The following GLYCTK variants were observed in gnomAD, a reference collection of about 807,000 sequenced individuals.
GLYCTK encodes glycerate kinase.
In GLYCTK, 22 loss-of-function variants were observed where a neutral mutation model predicts 24.8. The observed-to-expected ratio is 0.89, with a 90% confidence interval of 0.63 to 1.27. GLYCTK has a LOEUF of 1.27. GLYCTK is among the 50% of genes most tolerant of loss of function. The pLI is 0.00. For synonymous variants in GLYCTK, 320 were observed against 297.2 expected (o/e 1.08, Z -0.79); for missense variants, 684 against 686.7 (o/e 1.00, Z 0.04).
Position 52,292,325 on chromosome 3 carries a change from C to G in GLYCTK, c.771C>G (p.Thr257=), listed in dbSNP as rs746811143. 6.2e-7 allele frequency: 1 copy of G among 1,613,932 alleles called. No individual in the cohort carries two copies. Among genetic ancestry groups the G allele is most frequent in the Non-Finnish European group, 8.5e-7 (1 of 1,179,948 alleles). Reference sequence around the variant, plus strand: ...TGGAGGTGATTGCCAGTGGCCCCACCGTGGCCAGTTCCCACAATGTGCAAG... The same window carrying G: ...TGGAGGTGATTGCCAGTGGCCCCACGGTGGCCAGTTCCCACAATGTGCAAG... The part of the protein sequence containing the change: ...DPVEVIASGP[T]VASSHNVQDC... The change falls in exon 5 of 5, where the codon ACC becomes ACG. Residue 257 remains threonine, a synonymous_variant. Transcript: ENST00000436784.
At position 52,291,059 on chromosome 3, in the gene GLYCTK, G is replaced by A. The variant is rs1364153952; in HGVS notation, c.477G>A (p.Gln159=). Residue 159 remains glutamine (Q), a synonymous_variant, in exon 3 of 5, where the codon CAG becomes CAA. Coordinates refer to ENST00000436784, the MANE Select transcript of GLYCTK (RefSeq NM_145262.4). ...RDALRAALAI[Q]QLAEGLTADD... ...CGCTGCGGGCTGCACTGGCCATCCA[G>A]CAACTGGCTGAGGGACTCACAGCTG... is the stretch of plus-strand genomic sequence containing the variant. The A allele has an allele frequency of 1.2e-6, 2 of 1,613,418 alleles. No individual in the cohort carries two copies. Among genetic ancestry groups the A allele is most frequent in the Non-Finnish European group, 8.5e-7 (1 of 1,180,028 alleles).
rs762737029 is a variant in GLYCTK, at chr3:52,291,007, C to T, written c.425C>T (p.Ala142Val). Residue 142 changes from alanine to valine, a missense_variant, in exon 3 of 5, where the codon GCG becomes GTG. By Grantham distance (64) the Ala-to-Val change is moderately conservative. Transcript: ENST00000436784. ...PHSRVQVFEGAEDNLPDRDAL... is the reference protein window; with the variant it reads ...PHSRVQVFEGVEDNLPDRDAL... ...AGCCGTGTCCAGGTATTCGAGGGTG[C>T]GGAGGACAACCTCCCGGACCGCGAT... The T allele has an allele frequency of 1.4e-5, 22 of 1,613,846 alleles. No individual in the cohort carries two copies. Among genetic ancestry groups the T allele is most frequent in the East Asian group, 1.3e-4 (6 of 44,894 alleles).
chr3:52,294,548 T>G lies in GLYCTK; in HGVS notation c.*1422T>G, dbSNP rs573488802. 1 of 382,274 alleles carries G rather than the reference T, an allele frequency of 2.6e-6. No homozygotes were observed. Among genetic ancestry groups the G allele is most frequent in the East Asian group, 7.2e-5 (1 of 13,828 alleles). 23.7% of individuals were successfully genotyped at this position (382,274 alleles called of 1,614,324 possible). On this transcript the variant is annotated 3_prime_UTR_variant, in exon 5 of 5. Coordinates refer to ENST00000436784, the MANE Select transcript of GLYCTK (RefSeq NM_145262.4). The stretch of plus-strand genomic sequence containing the variant: ...AGCGGGCTCTGGGGACCAGGGAGGT[T>G]TAGGAAAAGGGGAGCTTGCACCCCA...
rs917555002 is a variant in GLYCTK at position 52,293,766 on chromosome 3, A to G, written c.*640A>G. On this transcript the variant is annotated 3_prime_UTR_variant, in exon 5 of 5. Coordinates refer to ENST00000436784, the MANE Select transcript of GLYCTK (RefSeq NM_145262.4). ...TGACCAGCCACCCACCCACCCAACCATGACTCCACCATGGCACTGTCACCA... is the reference window on the plus strand; with the variant it reads ...TGACCAGCCACCCACCCACCCAACCGTGACTCCACCATGGCACTGTCACCA... 7 of 453,604 alleles carry G rather than the reference A, an allele frequency of 1.5e-5. No homozygotes were observed. The highest frequency in any genetic ancestry group is 8.0e-5 in the African/African-American group (4 of 49,994). 28.1% of individuals were successfully genotyped at this position (453,604 alleles called of 1,614,324 possible).
rs753960442 is a variant in GLYCTK at position 52,290,370 on chromosome 3, C to G, written c.28C>G (p.Arg10Gly). Residue 10 changes from arginine to glycine, a missense_variant, in exon 2 of 5, where the codon CGC (arginine) becomes GGC (glycine). Arg to Gly is a moderately radical substitution (Grantham distance 125). Coordinates refer to ENST00000436784, the MANE Select transcript of GLYCTK (RefSeq NM_145262.4). MAAALQVLP[R>G]LARAPLHPLL... The stretch of plus-strand genomic sequence containing the variant: ...GGCTGCAGCCCTGCAGGTCCTGCCC[C>G]GCTTGGCCCGAGCCCCCTTGCATCC... 4.1e-5 allele frequency: 66 copies of G among 1,600,818 alleles called. No homozygotes were observed. The highest frequency in any genetic ancestry group is 5.0e-5 in the Non-Finnish European group (59 of 1,179,544).
chr3:52,291,752 G>A lies in GLYCTK; in HGVS notation c.535G>A (p.Gly179Ser). Residue 179 changes from glycine (G) to serine (S), a missense_variant, in exon 4 of 5, where the codon GGT (glycine) becomes AGT (serine). Transcript: ENST00000436784. ...TACCCTCATTGTCTTGAGAGGTGGG[G>A]GTTCAGCTCTGCTGCCTGCCCCCAT... ...DLLLVLISGG[G>S]SALLPAPIPP... 1 of 1,613,490 alleles carries A rather than the reference G, an allele frequency of 6.2e-7. No individual in the cohort carries two copies. Among genetic ancestry groups the A allele is most frequent in the East Asian group, 2.2e-5 (1 of 44,868 alleles).
rs1282682832 is a variant in GLYCTK at position 52,287,859 on chromosome 3, G to C, written c.-57G>C. On this transcript the variant is annotated 5_prime_UTR_variant, in exon 1 of 5. Coordinates refer to ENST00000436784, the MANE Select transcript of GLYCTK (RefSeq NM_145262.4). ...TCCGTTCTCCAGCGCTGGGCACCGC[G>C]GCCGGAGCTGTGGGCTGGTAAGTCT... 2.2e-6 allele frequency: 1 copy of C among 452,542 alleles called. No homozygotes were observed. The highest frequency in any genetic ancestry group is 2.4e-5 in the Admixed American group (1 of 42,522). 28.0% of individuals were successfully genotyped at this position (452,542 alleles called of 1,614,324 possible). A position where few individuals can be genotyped will look rare whatever the true frequency, so the allele number is the denominator to read the frequency against.
chr3:52,290,368 C>G lies in GLYCTK; in HGVS notation c.26C>G (p.Pro9Arg), dbSNP rs1010430958. Residue 9 changes from proline (P) to arginine (R), a missense_variant, in exon 2 of 5, where the codon CCC (proline) becomes CGC (arginine). Physicochemically the swap from Pro to Arg is moderately radical, Grantham distance 103. Coordinates refer to ENST00000436784, the MANE Select transcript of GLYCTK (RefSeq NM_145262.4). Reference sequence around the variant, plus strand: ...ATGGCTGCAGCCCTGCAGGTCCTGCCCCGCTTGGCCCGAGCCCCCTTGCAT... The same window carrying G: ...ATGGCTGCAGCCCTGCAGGTCCTGCGCCGCTTGGCCCGAGCCCCCTTGCAT... Reference protein sequence around the residue: MAAALQVLPRLARAPLHPL... With the variant: MAAALQVLRRLARAPLHPL... 1.9e-6 allele frequency: 3 copies of G among 1,600,240 alleles called. No individual in the cohort carries two copies. The highest frequency in any genetic ancestry group is 1.7e-5 in the Admixed American group (1 of 59,970).
In GLYCTK at chr3:52,291,757, A is replaced by C. The variant is rs778453650; in HGVS notation, c.540A>C (p.Ser180=). 2.5e-5 allele frequency: 40 copies of C among 1,613,388 alleles called. No homozygotes were observed. The highest frequency in any genetic ancestry group is 1.7e-5 in the Admixed American group (1 of 59,984). The change falls in exon 4 of 5, where the codon TCA becomes TCC. Residue 180 remains serine (S), a synonymous_variant. Coordinates refer to ENST00000436784, the MANE Select transcript of GLYCTK (RefSeq NM_145262.4). The part of the protein sequence containing the change: ...LLLVLISGGG[S]ALLPAPIPPV... ...TCATTGTCTTGAGAGGTGGGGGTTCAGCTCTGCTGCCTGCCCCCATCCCAC... is the reference window on the plus strand; with the variant it reads ...TCATTGTCTTGAGAGGTGGGGGTTCCGCTCTGCTGCCTGCCCCCATCCCAC...
At chr3:52,290,004 A>C in intron 1 of GLYCTK, 1 of 388,110 alleles carries the variant, frequency 2.6e-6, no homozygotes, top group Non-Finnish European at 4.7e-6. Context: ...ACTCCCAGCC[A>C]AAGGGGTGAC....
chr3:52,290,279 C>G lies in GLYCTK; in HGVS notation c.-39-25C>G, dbSNP rs776570596. ...CCTCCTGTCTTTTGCCTTGCAAGGG[C>G]CTCAGTTGTGCTTTTTCCCTCTAGG... On this transcript the variant is annotated intron_variant, in intron 1 of 4. Transcript: ENST00000436784. 6.4e-6 allele frequency: 10 copies of G among 1,564,742 alleles called. No individual in the cohort carries two copies. In the African/African-American group the frequency reaches 1.2e-4, roughly 19 times the overall value.
In GLYCTK at chr3:52,294,209, C is replaced by T. The variant is rs565539744; in HGVS notation, c.*1083C>T. Reference sequence around the variant, plus strand: ...AGCCCCCTTGCTCAGTGTCAGAACCCTCCGCTGGCTGTCCCCGCCGTGCGC... The same window carrying T: ...AGCCCCCTTGCTCAGTGTCAGAACCTTCCGCTGGCTGTCCCCGCCGTGCGC... On this transcript the variant is annotated 3_prime_UTR_variant, in exon 5 of 5. Transcript: ENST00000436784. 1 of 534,648 alleles carries T rather than the reference C, an allele frequency of 1.9e-6. No homozygotes were observed. Among genetic ancestry groups the T allele is most frequent in the African/African-American group, 1.9e-5 (1 of 52,104 alleles). The allele number at this position is 534,648 out of a possible 1,614,324, so 33.1% of individuals were successfully genotyped here.
At chr3:52,289,343 T>C (rs1189693652) in intron 1 of GLYCTK, 2 of 152,290 alleles carry the variant, frequency 1.3e-5, no homozygotes. Context: ...AAGGCTTCTT[T>C]AGCTTTTACT....
chr3:52,291,774 C>G lies in GLYCTK; in HGVS notation c.557C>G (p.Pro186Arg). The G allele has an allele frequency of 6.2e-7, 1 of 1,613,730 alleles. No homozygotes were observed. Among genetic ancestry groups the G allele is most frequent in the Middle Eastern group, 1.6e-4 (1 of 6,062 alleles). Residue 186 changes from proline (P) to arginine (R), a missense_variant, in exon 4 of 5, where the codon CCC (proline) becomes CGC (arginine). Pro to Arg is a moderately radical substitution (Grantham distance 103, BLOSUM62 -2). Transcript: ENST00000436784. ...GGGGGTTCAGCTCTGCTGCCTGCCC[C>G]CATCCCACCTGTCACACTGGAGGAG... is the stretch of plus-strand genomic sequence containing the variant. ...SGGGSALLPA[P>R]IPPVTLEEKQ... is the part of the protein sequence containing the mutation.
chr3:52,292,354 G>A lies in GLYCTK; in HGVS notation c.800G>A (p.Cys267Tyr), dbSNP rs144113959. ...TVASSHNVQD[C>Y]LHILNRYGLR... is the part of the protein sequence containing the mutation. The stretch of plus-strand genomic sequence containing the variant: ...GCCAGTTCCCACAATGTGCAAGATT[G>A]CCTGCATATCCTCAATCGCTACGGC... The change falls in exon 5 of 5, where the codon TGC becomes TAC. Residue 267 changes from cysteine (C) to tyrosine (Y), a missense_variant. Cys to Tyr is a radical substitution (Grantham distance 194, BLOSUM62 -2). Coordinates refer to ENST00000436784, the MANE Select transcript of GLYCTK (RefSeq NM_145262.4). 8 of 1,614,018 alleles carry A rather than the reference G, an allele frequency of 5.0e-6. No homozygotes were observed. The highest frequency in any genetic ancestry group is 6.8e-6 in the Non-Finnish European group (8 of 1,180,000).
intron 3 of GLYCTK, 168 bp downstream of exon 3, chr3:52,291,279 C>G: frequency 2.6e-6 from 2 of 758,818 alleles, no homozygotes; most frequent in Non-Finnish European, 4.4e-6. Flanking sequence ...GGCTAGTCGT[C>G]TGGCCTCCCC....
Position 52,291,089 on chromosome 3 carries a change from C to T in GLYCTK, c.507C>T (p.Asp169=), listed in dbSNP as rs1386413812. The T allele has an allele frequency of 1.9e-6, 3 of 1,612,150 alleles. No homozygotes were observed. The highest frequency in any genetic ancestry group is 1.1e-5 in the South Asian group (1 of 91,082). Residue 169 remains aspartate (D), a synonymous_variant, in exon 3 of 5, where the codon GAC becomes GAT. Transcript: ENST00000436784. ...TGGCTGAGGGACTCACAGCTGATGA[C>T]CTGCTGCTCGTGCTGATCTCAGGTG... The part of the protein sequence containing the change: ...QQLAEGLTAD[D]LLLVLISGGG...
rs1405650298 is a variant in GLYCTK, at chr3:52,293,640, A to T, written c.*514A>T. The T allele has an allele frequency of 6.6e-6, 3 of 454,282 alleles. No individual in the cohort carries two copies. Among genetic ancestry groups the T allele is most frequent in the Non-Finnish European group, 1.3e-5 (3 of 227,042 alleles). 28.1% of individuals were successfully genotyped at this position (454,282 alleles called of 1,614,324 possible). ...CCTCGCATAACGGGAGCCTGTGCCC[A>T]TCCCTCTGGAGTGTGTGAGGGTTGA... On this transcript the variant is annotated 3_prime_UTR_variant, in exon 5 of 5. Coordinates refer to ENST00000436784, the MANE Select transcript of GLYCTK (RefSeq NM_145262.4).
rs761959738 is a variant in GLYCTK, at chr3:52,292,787, A to G, written c.1233A>G (p.Thr411=). ...PVCLLAGGEP[T]VQLQGSGRGG... is the part of the protein sequence containing the mutation. ...GCCTGCTGGCTGGTGGCGAGCCCAC[A>G]GTACAGCTGCAGGGCTCGGGCAGGG... Residue 411 remains threonine, a synonymous_variant, in exon 5 of 5, where the codon ACA becomes ACG. Transcript: ENST00000436784. The G allele has an allele frequency of 1.2e-6, 2 of 1,609,468 alleles. No individual in the cohort carries two copies. Among genetic ancestry groups the G allele is most frequent in the Non-Finnish European group, 1.7e-6 (2 of 1,177,672 alleles).
Sources: allele counts gnomAD v4.1 joint callset, GRCh38; gene constraint gnomAD v4.1.1; transcripts MANE v1.5; gene names NCBI Gene and HGNC (gene_info 2026-07-23, HGNC 2026-07-21).